The following PRKAR2B variants were observed in gnomAD, a reference collection of about 807,000 sequenced individuals.
The protein encoded by PRKAR2B is protein kinase cAMP-dependent type II regulatory subunit beta.
Under a neutral mutation model 49.9 loss-of-function variants are expected in PRKAR2B, and 14 were observed. That is an observed-to-expected ratio of 0.28 (90% CI 0.19 to 0.44). The LOEUF (loss-of-function observed/expected upper bound fraction) is 0.44. Ranked by LOEUF, PRKAR2B falls within the 20% of genes least tolerant of loss-of-function variation. The pLI, the probability that PRKAR2B is intolerant of heterozygous loss-of-function variation, is 1.00. For synonymous variants in PRKAR2B, 196 were observed against 197.7 expected (o/e 0.99, Z 0.07); for missense variants, 393 against 537.9 (o/e 0.73, Z 2.67).
chr7:107,099,661 C>T (rs1417852113), intron 2 of PRKAR2B, among the ~76,000 whole-genome samples: 42 of 144,188 alleles, frequency 2.9e-4, no homozygotes, highest in African/African-American at 4.3e-4. Flanking sequence ...TTTTTTGAGA[C>T]GGAGTCTCAC....
chr7:107,141,582 C>T lies in PRKAR2B; in HGVS notation c.587+629C>T, dbSNP rs182771370. Among the ~76,000 whole-genome samples, 99 of 152,242 alleles carry T rather than the reference C, an allele frequency of 6.5e-4. 1 individual carries two copies. The Middle Eastern group carries it at 0.014, about 21-fold the overall frequency. ...TGGTGCACACCTGTAATCCCAGCTA[C>T]TTGGGAGGCTGAGACACGAGAATTG... On this transcript the variant is annotated intron_variant, in intron 5 of 10. Transcript: ENST00000265717.
chr7:107,076,298 G>A (rs1375098304), intron 2 of PRKAR2B, among the ~76,000 whole-genome samples: 1 of 152,090 alleles, frequency 6.6e-6, no homozygotes, highest in African/African-American at 2.4e-5. Flanking sequence ...AGAGTTTAGA[G>A]TCAGATTTCC....
At chr7:107,051,818 T>C (rs1309477256) in intron 1 of PRKAR2B, among the ~76,000 whole-genome samples, 1 of 152,164 alleles carries the variant, frequency 6.6e-6, no homozygotes, top group Non-Finnish European at 1.5e-5. Context: ...AAGGTCAAAA[T>C]GTAAACACAT....
chr7:107,086,887 T>C (rs1458140937), intron 2 of PRKAR2B, among the ~76,000 whole-genome samples: 1 of 152,224 alleles, frequency 6.6e-6, no homozygotes, highest in East Asian at 1.9e-4. Context: ...TGCTTGGTCA[T>C]AGCATATTGA....
rs921766287 is a variant in PRKAR2B at position 107,094,648 on chromosome 7, A to T, written c.343+24332A>T. Among the ~76,000 whole-genome samples the T allele has an allele frequency of 2.0e-5, 3 of 152,298 alleles. No individual in the cohort carries two copies. In the South Asian group the frequency reaches 6.2e-4, roughly 32 times the overall value. On this transcript the variant is annotated intron_variant, in intron 2 of 10. Coordinates refer to ENST00000265717, the MANE Select transcript of PRKAR2B (RefSeq NM_002736.3). ...GGTTTTTTATGGTTTTAGGTCTAAC[A>T]TGTAAGTCTTTAATCCATCTTGAAT... is the stretch of plus-strand genomic sequence containing the variant.
At chr7:107,095,564 C>A (rs1794822232) in intron 2 of PRKAR2B, among the ~76,000 whole-genome samples, 1 of 152,180 alleles carries the variant, frequency 6.6e-6, no homozygotes, top group Non-Finnish European at 1.5e-5. Context: ...TGAGAGAGGG[C>A]ATCCCTGTCT....
chr7:107,124,696 T>C (rs1303757641), intron 3 of PRKAR2B, among the ~76,000 whole-genome samples: 1 of 152,204 alleles, frequency 6.6e-6, no homozygotes, highest in Non-Finnish European at 1.5e-5. Context: ...TTAGGATTAC[T>C]GGCGTGAGCC....
At chr7:107,133,841 CAA>C (rs1795646196) in intron 4 of PRKAR2B, 1 of 152,082 alleles carries the variant, frequency 6.6e-6, no homozygotes, top group Admixed American at 6.5e-5. Context: ...TCAAAAAGAA[CAA>C]AAGAGTAGTC....
chr7:107,120,013 G>A (rs118046961), intron 2 of PRKAR2B, among the ~76,000 whole-genome samples: 3 of 152,136 alleles, frequency 2.0e-5, no homozygotes, highest in African/African-American at 7.2e-5. Flanking sequence ...TGGATAAAAC[G>A]TGGGTCCTGT....
intron 2 of PRKAR2B, among the ~76,000 whole-genome samples, chr7:107,111,636 A>G (rs1554369305): frequency 6.6e-6 from 1 of 152,178 alleles, no homozygotes; most frequent in Non-Finnish European, 1.5e-5. Context: ...TAATTTTTAA[A>G]TGACTACATA....
intron 1 of PRKAR2B, among the ~76,000 whole-genome samples, chr7:107,055,945 T>G (rs1793903619): frequency 6.6e-6 from 1 of 152,222 alleles, no homozygotes; most frequent in African/African-American, 2.4e-5. Flanking sequence ...TTTTATGGTT[T>G]TAGGTCTAAC....
intron 2 of PRKAR2B, among the ~76,000 whole-genome samples, chr7:107,070,657 A>C (rs1794247944): frequency 6.6e-6 from 1 of 152,232 alleles, no homozygotes; most frequent in Non-Finnish European, 1.5e-5. Context: ...CTGATTTACC[A>C]GCCATAATCT....
At chr7:107,147,427 C>G (rs751184845) in intron 6 of PRKAR2B, among the ~76,000 whole-genome samples, 4 of 152,242 alleles carry the variant, frequency 2.6e-5, no homozygotes, top group Non-Finnish European at 5.9e-5. Flanking sequence ...TCCCGCAAGA[C>G]TTAAAAGCTG....
intron 1 of PRKAR2B, among the ~76,000 whole-genome samples, chr7:107,048,567 A>T (rs146433409): frequency 6.6e-6 from 1 of 152,336 alleles, no homozygotes; most frequent in Non-Finnish European, 1.5e-5. Context: ...GTAGGGATCA[A>T]GCATGTGACC....
chr7:107,077,645 G>A (rs1794424842), intron 2 of PRKAR2B: 1 of 152,184 alleles, frequency 6.6e-6, no homozygotes, highest in Non-Finnish European at 1.5e-5. Flanking sequence ...GGGACTTAAG[G>A]CCAGGAGTTA....
At chr7:107,133,337 G>A (rs939320668) in intron 4 of PRKAR2B, among the ~76,000 whole-genome samples, 8 of 152,158 alleles carry the variant, frequency 5.3e-5, no homozygotes, top group African/African-American at 1.7e-4. Flanking sequence ...TCACAAAATA[G>A]TTACTATAGC....
intron 7 of PRKAR2B, among the ~76,000 whole-genome samples, chr7:107,151,841 A>G (rs935193556): frequency 7.2e-5 from 11 of 152,206 alleles, no homozygotes; most frequent in Non-Finnish European, 1.3e-4. Flanking sequence ...TATAGTTTCT[A>G]TCGCTTTCAA....
intron 3 of PRKAR2B, among the ~76,000 whole-genome samples, chr7:107,127,390 A>T (rs1795516630): frequency 6.6e-6 from 1 of 152,258 alleles, no homozygotes; most frequent in Admixed American, 6.5e-5. Context: ...TCATGTTCAC[A>T]AAAGAGTGGA....
intron 1 of PRKAR2B, among the ~76,000 whole-genome samples, chr7:107,064,495 A>C (rs185080539): frequency 7.2e-5 from 11 of 152,280 alleles, no homozygotes; most frequent in African/African-American, 2.2e-4. Flanking sequence ...GTATAATCAA[A>C]AAGGAAGAAG....
Sources: gnomAD v4.1 joint callset for allele counts (sites outside exome capture counted in the v4.1 genomes callset) on GRCh38, gnomAD v4.1.1 for gene constraint, MANE v1.5 for transcripts, NCBI Gene and HGNC (gene_info 2026-07-23, HGNC 2026-07-21) for gene names.